The following CHST9 variants were observed in gnomAD, a reference collection of about 807,000 sequenced individuals.
CHST9 encodes the protein carbohydrate sulfotransferase 9.
CHST9 carries 41 observed loss-of-function variants against 44.4 expected under a neutral mutation model. The observed-to-expected ratio is 0.92, with a 90% CI of 0.72 to 1.20. CHST9 has a LOEUF of 1.20. Among genes scored for constraint, CHST9 ranks in the 50% most tolerant of loss-of-function variants. The pLI, the probability that CHST9 is intolerant of heterozygous loss-of-function variation, is 0.00. For missense variants in CHST9, 504 were observed against 516.5 expected (o/e 0.98, Z 0.23); for synonymous variants, 171 against 178.4 (o/e 0.96, Z 0.33).
intron 2 of CHST9, among the ~76,000 whole-genome samples, chr18:27,112,529 T>C (rs1173715192): frequency 6.6e-6 from 1 of 151,876 alleles, no homozygotes; most frequent in Non-Finnish European, 1.5e-5. Flanking sequence ...AAGAAGTTTT[T>C]GACTTTGAAT....
intron 5 of CHST9, among the ~76,000 whole-genome samples, chr18:26,940,890 A>T (rs1201645585): frequency 6.6e-6 from 1 of 152,210 alleles, no homozygotes; most frequent in East Asian, 1.9e-4. Flanking sequence ...CCTTATAAGA[A>T]GGGGAGGGAC....
chr18:26,927,905 C>G (rs955585912), intron 5 of CHST9, among the ~76,000 whole-genome samples: 11 of 152,188 alleles, frequency 7.2e-5, no homozygotes, highest in African/African-American at 2.7e-4. Flanking sequence ...AAACCTCGGA[C>G]AATACCTGGC....
intron 3 of CHST9, among the ~76,000 whole-genome samples, chr18:27,027,949 G>T (rs2057300438): frequency 6.6e-6 from 1 of 152,132 alleles, no homozygotes; most frequent in South Asian, 2.1e-4. Flanking sequence ...GCCCAAGCAG[G>T]AATGCAGTGG....
chr18:27,042,201 C>T, intron 3 of CHST9, among the ~76,000 whole-genome samples: 1 of 152,108 alleles, frequency 6.6e-6, no homozygotes, highest in East Asian at 1.9e-4. Context: ...TCCTTGGGGT[C>T]TGTGTTAAGC....
Position 27,014,453 on chromosome 18 carries a change from C to CAAA in CHST9, c.202+9660_202+9662dup, listed in dbSNP as rs57437876. 1.5e-3 allele frequency among the ~76,000 whole-genome samples: 58 copies of CAAA among 39,440 alleles called. 5 individuals carry two copies. The highest frequency in any genetic ancestry group is 2.5e-3 in the Admixed American group (6 of 2,378). 25.9% of individuals were successfully genotyped at this position (39,440 alleles called of 152,430 possible). On this transcript the variant is annotated intron_variant, in intron 4 of 5. Coordinates refer to ENST00000618847, the MANE Select transcript of CHST9 (RefSeq NM_031422.6). ...TGGGCGACAGAGCGAGACTCTGTCT[C>CAAA]AAAAAAAAAAAAAAAAAAAAAAAAA...
chr18:27,051,316 G>C (rs2057564481), intron 2 of CHST9, among the ~76,000 whole-genome samples: 1 of 146,294 alleles, frequency 6.8e-6, no homozygotes, highest in Non-Finnish European at 1.6e-5. Context: ...TTAGTTGGGA[G>C]GCTGAGGCAG....
chr18:27,167,777 A>G (rs1317800841), intron 1 of CHST9, among the ~76,000 whole-genome samples: 1 of 152,196 alleles, frequency 6.6e-6, no homozygotes, highest in Non-Finnish European at 1.5e-5. Flanking sequence ...TAAGAAGGTG[A>G]TATCTAAGCT....
chr18:27,111,504 T>C (rs537311461), intron 2 of CHST9, among the ~76,000 whole-genome samples: 10 of 152,286 alleles, frequency 6.6e-5, no homozygotes, highest in Admixed American at 2.0e-4. Flanking sequence ...AGCACTTCCT[T>C]GCTTCCAGGA....
chr18:26,936,711 T>G (rs966495160), intron 5 of CHST9: 12 of 152,044 alleles, frequency 7.9e-5, no homozygotes, highest in Admixed American at 4.6e-4. Context: ...CTGGTACAGA[T>G]GCTAGCAAGC....
intron 4 of CHST9, among the ~76,000 whole-genome samples, chr18:26,969,376 C>CTCTGTGTGTGTGTG (rs1555672857): frequency 1.0e-4 from 10 of 95,590 alleles, no homozygotes; most frequent in African/African-American, 2.9e-4. Context: ...CTCTCTCTCT[C>CTCTGTGTGTGTGTG]TGTGTGTGTG....
chr18:27,005,610 T>C (rs149968396), intron 4 of CHST9, among the ~76,000 whole-genome samples: 2 of 152,318 alleles, frequency 1.3e-5, no homozygotes, highest in Non-Finnish European at 2.9e-5. Context: ...AACTTCTCTT[T>C]GTATATTGTT....
chr18:27,042,439 A>T (rs2143536565), intron 3 of CHST9, among the ~76,000 whole-genome samples: 1 of 152,208 alleles, frequency 6.6e-6, no homozygotes, highest in African/African-American at 2.4e-5. Flanking sequence ...GCCAATTTTA[A>T]GCTACCTGCA....
chr18:26,987,488 C>T (rs1568122142), intron 4 of CHST9, among the ~76,000 whole-genome samples: 1 of 151,936 alleles, frequency 6.6e-6, no homozygotes, highest in South Asian at 2.1e-4. Context: ...GTTGTTTAAA[C>T]CTTTTAAAAG....
Position 26,914,362 on chromosome 18 carries a change from T to C in CHST9, c.*1897A>G, listed in dbSNP as rs1424894485. Reference sequence around the variant, plus strand: ...ATTTCATATAAAGCAAGTTTTGTGTTTCTTAGGAATAAAATTTCAGGCTTC... The same window carrying C: ...ATTTCATATAAAGCAAGTTTTGTGTCTCTTAGGAATAAAATTTCAGGCTTC... On this transcript the variant is annotated 3_prime_UTR_variant, in exon 6 of 6. Transcript: ENST00000618847. 6.6e-6 allele frequency: 1 copy of C among 152,216 alleles called. No individual in the cohort carries two copies. Among genetic ancestry groups the C allele is most frequent in the African/African-American group, 2.4e-5 (1 of 41,460 alleles). 9.4% of individuals were successfully genotyped at this position (152,216 alleles called of 1,614,324 possible). A position where few individuals can be genotyped will look rare whatever the true frequency, so the allele number is the denominator to read the frequency against.
At chr18:27,178,660 AAAGAG>A (rs35862133) in intron 1 of CHST9, among the ~76,000 whole-genome samples, 106,709 of 151,002 alleles carry the variant, frequency 0.71, 37,873 homozygotes, top group East Asian at 0.77. Context: ...TATATTGCAC[AAAGAG>A]AAGAGATGTT....
At chr18:27,000,819 T>C (rs960039496) in intron 4 of CHST9, among the ~76,000 whole-genome samples, 8 of 152,174 alleles carry the variant, frequency 5.3e-5, no homozygotes, top group African/African-American at 1.9e-4. Flanking sequence ...ACCACATCCC[T>C]GGAGGGATCA....
chr18:27,087,806 T>C (rs982493271), intron 2 of CHST9, among the ~76,000 whole-genome samples: 2 of 152,234 alleles, frequency 1.3e-5, no homozygotes, highest in South Asian at 2.1e-4. Context: ...CCCTAGCGAA[T>C]GGCCTTTGTG....
chr18:27,145,474 GC>G (rs375255744), intron 1 of CHST9, among the ~76,000 whole-genome samples: 40 of 152,190 alleles, frequency 2.6e-4, no homozygotes, highest in African/African-American at 8.4e-4. Flanking sequence ...GTGAGCCACT[GC>G]CCCTGGCCTG....
At chr18:27,170,199 G>A (rs1025724227) in intron 1 of CHST9, among the ~76,000 whole-genome samples, 2 of 152,138 alleles carry the variant, frequency 1.3e-5, no homozygotes, top group African/African-American at 2.4e-5. Flanking sequence ...ATGAGCAGAA[G>A]TCATACACAC....
Sources: gnomAD v4.1 joint callset for allele counts (sites outside exome capture counted in the v4.1 genomes callset) on GRCh38, gnomAD v4.1.1 for gene constraint, MANE v1.5 for transcripts, NCBI Gene and HGNC (gene_info 2026-07-23, HGNC 2026-07-21) for gene names.